Variants in ARID1B observed in about 807,000 individuals in gnomAD.
The protein encoded by ARID1B is AT-rich interaction domain 1B.
A neutral mutation model predicts 212.3 loss-of-function variants in ARID1B; 30 were observed. The observed-to-expected ratio is 0.14, with a 90% CI of 0.11 to 0.19. The LOEUF (loss-of-function observed/expected upper bound fraction) is 0.19, where lower values mean the gene tolerates loss of function less well. Ranked by LOEUF, ARID1B falls within the 10% of genes least tolerant of loss-of-function variation. The probability of loss-of-function intolerance (pLI) is 1.00; values close to 1 mark genes in which losing one functional copy is unlikely to be tolerated. For missense variants in ARID1B, 2,891 were observed against 3,204.0 expected (o/e 0.90, Z 2.36); for synonymous variants, 1,402 against 1,301.7 (o/e 1.08, Z -1.66).
intron 4 of ARID1B, among the ~76,000 whole-genome samples, chr6:157,075,701 C>T (rs184517107): frequency 2.0e-5 from 3 of 152,338 alleles, no homozygotes; most frequent in East Asian, 1.9e-4. Context: ...ATGTTGACCT[C>T]GTCCTCCCCG....
At chr6:156,842,002 G>A (rs925803316) in intron 2 of ARID1B, among the ~76,000 whole-genome samples, 31 of 152,198 alleles carry the variant, frequency 2.0e-4, no homozygotes, top group African/African-American at 6.3e-4. Flanking sequence ...TATAATTAAA[G>A]TAGCCTCATT....
intron 6 of ARID1B, among the ~76,000 whole-genome samples, chr6:157,125,539 G>A (rs1788076106): frequency 6.6e-6 from 1 of 152,234 alleles, no homozygotes; most frequent in Non-Finnish European, 1.5e-5. Context: ...GAGCCTCTCA[G>A]AAGCTGTCTG....
chr6:156,786,809 G>A lies in ARID1B; in HGVS notation c.1791+7338G>A, dbSNP rs534749477. Among the ~76,000 whole-genome samples the A allele has an allele frequency of 5.9e-5, 9 of 152,250 alleles. No individual in the cohort carries two copies. In the East Asian group the frequency reaches 9.6e-4, roughly 16 times the overall value. Reference sequence around the variant, plus strand: ...CTGGGGATTGCTGCTGTTGGTGTGCGGATCATGCAGAGATACTGCTAACGC... The same window carrying A: ...CTGGGGATTGCTGCTGTTGGTGTGCAGATCATGCAGAGATACTGCTAACGC... On this transcript the variant is annotated intron_variant, in intron 1 of 19. Coordinates refer to ENST00000636930, the MANE Select transcript of ARID1B (RefSeq NM_001374828.1).
chr6:156,825,736 C>T (rs184204170), intron 1 of ARID1B, among the ~76,000 whole-genome samples: 17 of 152,286 alleles, frequency 1.1e-4, no homozygotes, highest in Admixed American at 5.2e-4. Context: ...CTCAGGGCCC[C>T]GTATTGGAAA....
intron 4 of ARID1B, among the ~76,000 whole-genome samples, chr6:156,998,568 A>AGGG (rs1047062826): frequency 1.1e-4 from 16 of 152,156 alleles, no homozygotes. Flanking sequence ...AAGAGGTGGA[A>AGGG]GGGGCACGAG....
intron 3 of ARID1B, among the ~76,000 whole-genome samples, chr6:156,917,037 T>C (rs1250678434): frequency 3.3e-5 from 5 of 152,210 alleles, no homozygotes; most frequent in African/African-American, 1.2e-4. Context: ...TCTGTTTTCA[T>C]GGCTTTAAGG....
intron 2 of ARID1B, among the ~76,000 whole-genome samples, chr6:156,873,456 A>G (rs986089303): frequency 1.3e-5 from 2 of 152,210 alleles, no homozygotes; most frequent in Non-Finnish European, 1.5e-5. Context: ...AGTCACAAAT[A>G]TTTTTGTAAA....
chr6:156,881,899 A>G (rs529855119), intron 2 of ARID1B, among the ~76,000 whole-genome samples: 1 of 152,340 alleles, frequency 6.6e-6, no homozygotes, highest in East Asian at 1.9e-4. Flanking sequence ...TTAAGTATGC[A>G]CAGTTGATAT....
chr6:156,881,823 T>A (rs1357006577), intron 2 of ARID1B, among the ~76,000 whole-genome samples: 1 of 152,180 alleles, frequency 6.6e-6, no homozygotes, highest in Non-Finnish European at 1.5e-5. Flanking sequence ...AAGGCGAAGA[T>A]GTGTTCTTGA....
chr6:156,836,728 G>C (rs1037345761), intron 2 of ARID1B, among the ~76,000 whole-genome samples: 2 of 152,170 alleles, frequency 1.3e-5, no homozygotes, highest in Non-Finnish European at 2.9e-5. Context: ...GCAGTGGCAC[G>C]ATCACGGCTC....
At chr6:157,135,651 C>T (rs914988511) in intron 7 of ARID1B, among the ~76,000 whole-genome samples, 4 of 152,328 alleles carry the variant, frequency 2.6e-5, no homozygotes, top group African/African-American at 7.2e-5. Flanking sequence ...TCACCTTTTC[C>T]GCCTTGGAGC....
At chr6:156,932,147 G>GGGGC (rs1554270218) in intron 3 of ARID1B, among the ~76,000 whole-genome samples, 5 of 135,736 alleles carry the variant, frequency 3.7e-5, no homozygotes, top group South Asian at 2.3e-4. Flanking sequence ...AAAAAAAAAG[G>GGGGC]GGGGGGGCGG....
At chr6:157,026,647 G>A (rs1039075532) in intron 4 of ARID1B, among the ~76,000 whole-genome samples, 1 of 152,070 alleles carries the variant, frequency 6.6e-6, no homozygotes, top group Non-Finnish European at 1.5e-5. Flanking sequence ...AGGAGTGTTT[G>A]TAATCATCAC....
chr6:157,130,870 T>A (rs1788497544), intron 6 of ARID1B, among the ~76,000 whole-genome samples: 3 of 152,202 alleles, frequency 2.0e-5, no homozygotes, highest in Admixed American at 6.5e-5. Flanking sequence ...CGTGGGCCCC[T>A]CTCCCGAACA....
chr6:157,111,831 G>A (rs557756251), intron 6 of ARID1B, among the ~76,000 whole-genome samples: 2 of 152,246 alleles, frequency 1.3e-5, no homozygotes, highest in South Asian at 4.1e-4. Context: ...TAATGGAATA[G>A]TTCATGGTTT....
Position 156,846,323 on chromosome 6 carries a change from ATT to A in ARID1B, c.1986+16916_1986+16917del, listed in dbSNP as rs11368033. 1.5e-3 allele frequency among the ~76,000 whole-genome samples: 219 copies of A among 143,656 alleles called. No homozygotes were observed. The Middle Eastern group carries it at 0.021, about 14-fold the overall frequency. The allele number at this position is 143,656 out of a possible 152,430, so 94.2% of individuals were successfully genotyped here. A position where few individuals can be genotyped will look rare whatever the true frequency, so the allele number is the denominator to read the frequency against. On this transcript the variant is annotated intron_variant, in intron 2 of 19. Transcript: ENST00000636930. The stretch of plus-strand genomic sequence containing the variant: ...GTGTGCACCACCACACCTGGCTAAT[ATT>A]TTTTTTTTTTTTTGTATTTTTAGTG...
At chr6:157,158,344 GA>G in intron 8 of ARID1B, among the ~76,000 whole-genome samples, 1 of 152,302 alleles carries the variant, frequency 6.6e-6, no homozygotes, top group Non-Finnish European at 1.5e-5. Context: ...TTAAAGATCA[GA>G]AATTACTGTT....
chr6:156,802,497 A>G (rs1185538265), intron 1 of ARID1B, among the ~76,000 whole-genome samples: 1 of 152,238 alleles, frequency 6.6e-6, no homozygotes, highest in Non-Finnish European at 1.5e-5. Context: ...TAGTTTTAAA[A>G]TATCAAATGT....
chr6:157,039,694 C>CTTCCTTCT lies in ARID1B; in HGVS notation c.2248-44965_2248-44964insCTTCTTTC, dbSNP rs1554287218. On this transcript the variant is annotated intron_variant, in intron 4 of 19. Transcript: ENST00000636930. ...CCTTCCTTCCTTCCTTCCTTCCTTC[C>CTTCCTTCT]TTCTTTCTTTCCTTTCTTTCCTTCC... 2.1e-3 allele frequency among the ~76,000 whole-genome samples: 122 copies of CTTCCTTCT among 58,400 alleles called. 1 individual carries two copies. The highest frequency in any genetic ancestry group is 6.8e-3 in the African/African-American group (110 of 16,110). The allele number at this position is 58,400 out of a possible 152,430, so 38.3% of individuals were successfully genotyped here. A position where few individuals can be genotyped will look rare whatever the true frequency, so the allele number is the denominator to read the frequency against.
Sources: allele counts gnomAD v4.1 joint callset (sites outside exome capture counted in the v4.1 genomes callset), GRCh38; gene constraint gnomAD v4.1.1; transcripts MANE v1.5; gene names NCBI Gene and HGNC (gene_info 2026-07-23, HGNC 2026-07-21).